BANK1: variants seen among roughly 807,000 people sequenced by gnomAD.
BANK1 encodes the protein B cell scaffold protein with ankyrin repeats 1, also known as B-cell scaffold protein with ankyrin repeats.
Under a neutral mutation model 94.5 loss-of-function variants are expected in BANK1, and 95 were observed. The ratio of observed to expected loss-of-function variants is 1.00; its 90% CI spans 0.85 to 1.19. The LOEUF (loss-of-function observed/expected upper bound fraction) is 1.19, where lower values mean the gene tolerates loss of function less well. Among genes scored for constraint, BANK1 ranks in the 50% most tolerant of loss-of-function variants. The pLI is 0.00. For missense variants in BANK1, 987 were observed against 932.2 expected, an observed-to-expected ratio of 1.06 and a Z score of -0.77; for synonymous variants, 334 against 308.4, an observed-to-expected ratio of 1.08 and a Z score of -0.87.
At chr4:101,880,625 C>T (rs1728642530) in intron 5 of BANK1, among the ~76,000 whole-genome samples, 3 of 151,896 alleles carry the variant, frequency 2.0e-5, no homozygotes, top group African/African-American at 7.2e-5. Flanking sequence ...GCCAAAGCAA[C>T]TCTAAGCAAA....
chr4:101,877,697 C>T (rs997971997), intron 5 of BANK1, among the ~76,000 whole-genome samples: 3 of 151,954 alleles, frequency 2.0e-5, no homozygotes, highest in Non-Finnish European at 2.9e-5. Context: ...CCAGCCTGGC[C>T]ATCATGGTGA....
intron 7 of BANK1, among the ~76,000 whole-genome samples, chr4:101,922,844 C>T (rs541274181): frequency 2.0e-4 from 30 of 151,982 alleles, no homozygotes; most frequent in African/African-American, 6.3e-4. Flanking sequence ...GTGCTTGAAA[C>T]TACTTGGGAA....
chr4:101,885,063 G>A (rs1728802623), intron 5 of BANK1, among the ~76,000 whole-genome samples: 1 of 152,216 alleles, frequency 6.6e-6, no homozygotes, highest in African/African-American at 2.4e-5. Context: ...GGTTACAGGC[G>A]CCTGCCTCCA....
At chr4:101,867,088 T>C (rs12511184) in intron 4 of BANK1, among the ~76,000 whole-genome samples, 6,473 of 62,728 alleles carry the variant, frequency 0.1, 1,065 homozygotes, top group East Asian at 0.23. Context: ...GTGGGTGCAG[T>C]GCACCAGCAT....
At chr4:101,963,769 A>G (rs1724650350) in intron 7 of BANK1, among the ~76,000 whole-genome samples, 1 of 152,090 alleles carries the variant, frequency 6.6e-6, no homozygotes, top group Admixed American at 6.6e-5. Flanking sequence ...CATTTACCCG[A>G]GGCCTTTTCT....
At chr4:102,066,323 C>T (rs1382717780) in intron 13 of BANK1, among the ~76,000 whole-genome samples, 1 of 150,326 alleles carries the variant, frequency 6.7e-6, no homozygotes, top group African/African-American at 2.4e-5. Context: ...GTGGCACGAT[C>T]TCGGCTCACT....
In BANK1 at chr4:101,790,732, G is replaced by T; in HGVS notation, c.-149G>T. ...TGAGCCCCGGGGCTGCGTTTCCTGA[G>T]ACCTGGCCGCAGCCTCCGCGGGTGG... On this transcript the variant is annotated 5_prime_UTR_variant, in exon 1 of 17. Transcript: ENST00000322953. 1.2e-6 allele frequency: 1 copy of T among 848,414 alleles called. No homozygotes were observed. Among genetic ancestry groups the T allele is most frequent in the Admixed American group, 2.1e-5 (1 of 47,042 alleles). 52.6% of individuals were successfully genotyped at this position (848,414 alleles called of 1,614,324 possible).
chr4:102,017,479 AC>A (rs547609421), intron 7 of BANK1, among the ~76,000 whole-genome samples: 45 of 152,350 alleles, frequency 3.0e-4, no homozygotes, highest in Non-Finnish European at 6.2e-4. Context: ...ATGGGTCACC[AC>A]CACCAGAGGT....
chr4:102,063,213 G>C, intron 13 of BANK1, 75 bp downstream of exon 13: 2 of 1,329,530 alleles, frequency 1.5e-6, no homozygotes, highest in Non-Finnish European at 2.1e-6. Flanking sequence ...GGAGATGATT[G>C]GGCCTGAGTT....
chr4:101,915,514 T>C (rs1213912655), intron 6 of BANK1, among the ~76,000 whole-genome samples: 1 of 152,142 alleles, frequency 6.6e-6, no homozygotes, highest in Non-Finnish European at 1.5e-5. Context: ...AGACAGAGTA[T>C]CTTGTATGAA....
At chr4:102,007,167 T>TATATATATATATATATATATATATAG (rs1726334631) in intron 7 of BANK1, among the ~76,000 whole-genome samples, 1 of 102,042 alleles carries the variant, frequency 9.8e-6, no homozygotes, top group Non-Finnish European at 2.0e-5. Context: ...TATATATATA[T>TATATATATATATATATATATATATAG]ATAAAATCCC....
chr4:102,017,352 G>T lies in BANK1; in HGVS notation c.1207-4162G>T, dbSNP rs115996258. ...TTGAAACAAAGAGTATTAAAATAGG[G>T]CTAGAATATCTTTTAAAAGGACAGG... On this transcript the variant is annotated intron_variant, in intron 7 of 16. Transcript: ENST00000322953. Among the ~76,000 whole-genome samples, 384 of 152,258 alleles carry T rather than the reference G, an allele frequency of 2.5e-3. 3 individuals carry two copies. The highest frequency in any genetic ancestry group is 8.9e-3 in the African/African-American group (368 of 41,548).
chr4:101,962,639 A>G (rs1431079620), intron 7 of BANK1, among the ~76,000 whole-genome samples: 1 of 152,122 alleles, frequency 6.6e-6, no homozygotes, highest in Non-Finnish European at 1.5e-5. Context: ...CTGAAGTTGA[A>G]TGGTTACTTT....
At chr4:101,929,692 G>T (rs753188906) in intron 7 of BANK1, among the ~76,000 whole-genome samples, 1 of 151,342 alleles carries the variant, frequency 6.6e-6, no homozygotes, top group Non-Finnish European at 1.5e-5. Flanking sequence ...AATTTAAGTT[G>T]CAATCATTTA....
intron 10 of BANK1, chr4:102,032,321 A>G (rs1727348389): frequency 6.6e-6 from 1 of 152,080 alleles, no homozygotes; most frequent in South Asian, 2.1e-4. Flanking sequence ...TGATGGTCAT[A>G]TTCTTGTTCT....
chr4:101,834,977 C>T (rs1372049293), intron 2 of BANK1, among the ~76,000 whole-genome samples: 1 of 151,972 alleles, frequency 6.6e-6, no homozygotes, highest in African/African-American at 2.4e-5. Context: ...TATTTTATTT[C>T]CTTTAAAGGA....
chr4:102,012,229 T>C (rs997981343), intron 7 of BANK1, among the ~76,000 whole-genome samples: 1 of 152,178 alleles, frequency 6.6e-6, no homozygotes, highest in African/African-American at 2.4e-5. Context: ...TATACTTTTA[T>C]CTATCTTGAC....
chr4:101,912,646 A>C lies in BANK1; in HGVS notation c.1010-5347A>C, dbSNP rs1476581752. The stretch of plus-strand genomic sequence containing the variant: ...TATATATTAATAAATATATAAATAA[A>C]TATAAAATATAAATATTGGCAGGTC... On this transcript the variant is annotated intron_variant, in intron 6 of 16. Transcript: ENST00000322953. Among the ~76,000 whole-genome samples, 4 of 148,410 alleles carry C rather than the reference A, an allele frequency of 2.7e-5. No individual in the cohort carries two copies. The Admixed American group carries it at 2.7e-4, about 10-fold the overall frequency.
intron 7 of BANK1, among the ~76,000 whole-genome samples, chr4:102,015,089 T>A (rs1226593638): frequency 6.6e-6 from 1 of 152,134 alleles, no homozygotes; most frequent in Non-Finnish European, 1.5e-5. Context: ...ATGGTAGACA[T>A]AACTATGTGG....
Sources: allele counts gnomAD v4.1 joint callset (sites outside exome capture counted in the v4.1 genomes callset), GRCh38; gene constraint gnomAD v4.1.1; transcripts MANE v1.5; gene names NCBI Gene and HGNC (gene_info 2026-07-23, HGNC 2026-07-21).